Variants in SNX8 observed in about 807,000 individuals in gnomAD.
The protein encoded by SNX8 is sorting nexin 8, also known as sorting nexin-8.
A neutral mutation model predicts 51.6 loss-of-function variants in SNX8; 25 were observed. The ratio of observed to expected loss-of-function variants is 0.48; its 90% CI spans 0.35 to 0.68. SNX8 has a LOEUF of 0.68. Ranked by LOEUF, SNX8 falls within the 30% of genes least tolerant of loss-of-function variation. The probability of loss-of-function intolerance (pLI) is 0.00; values close to 1 mark genes in which losing one functional copy is unlikely to be tolerated. For missense variants in SNX8, 695 were observed against 624.0 expected, an observed-to-expected ratio of 1.11 and a Z score of -1.21; for synonymous variants, 324 against 277.0, an observed-to-expected ratio of 1.17 and a Z score of -1.68.
chr7:2,327,360 C>G (rs923873263), intron 1 of SNX8, among the ~76,000 whole-genome samples: 5 of 152,000 alleles, frequency 3.3e-5, no homozygotes, highest in African/African-American at 1.2e-4. Context: ...CTGCCTAAGC[C>G]TCCCAAGTAG....
chr7:2,311,809 C>A (rs945363734), intron 1 of SNX8, among the ~76,000 whole-genome samples: 11 of 151,764 alleles, frequency 7.2e-5, no homozygotes, highest in Admixed American at 7.2e-4. Context: ...TGGTGGCGGG[C>A]GCCTGTAGTC....
intron 4 of SNX8, among the ~76,000 whole-genome samples, chr7:2,270,314 C>CAAAAAAAAAAAAAAA (rs57983721): frequency 3.5e-5 from 2 of 57,086 alleles, no homozygotes; most frequent in African/African-American, 7.8e-5. Flanking sequence ...TCTCATTTTA[C>CAAAAAAAAAAAAAAA]AAAAAAAAAA....
chr7:2,264,502 G>C, intron 5 of SNX8, 44 bp from the exon 6 acceptor site: 5 of 1,576,734 alleles, frequency 3.2e-6, no homozygotes, highest in Non-Finnish European at 4.3e-6. Flanking sequence ...AGTCGCTGGG[G>C]AGCACCTGTC....
Position 2,290,117 on chromosome 7 carries a change from T to C in SNX8, c.95-11812A>G, listed in dbSNP as rs565596172. Among the ~76,000 whole-genome samples, 115 of 152,130 alleles carry C rather than the reference T, an allele frequency of 7.6e-4. 1 individual carries two copies. The highest frequency in any genetic ancestry group is 2.6e-3 in the African/African-American group (109 of 41,502). ...CTGAGGAAGGAAAATCGCTTGAACC[T>C]GGGAGGTGGAGGTTGCAGTGCGCGG... On this transcript the variant is annotated intron_variant, in intron 1 of 10. Coordinates refer to ENST00000222990, the MANE Select transcript of SNX8 (RefSeq NM_013321.4).
rs1323158365 is a variant in SNX8, at chr7:2,253,025, A to C, written c.*2031T>G. On this transcript the variant is annotated 3_prime_UTR_variant, in exon 11 of 11. Coordinates refer to ENST00000222990, the MANE Select transcript of SNX8 (RefSeq NM_013321.4). Reference sequence around the variant, plus strand: ...CTGACCCCTGCCCTCCTGCTCCCCCAACTCCTGCCCTCCTGCTCCCTCCTC... The same window carrying C: ...CTGACCCCTGCCCTCCTGCTCCCCCCACTCCTGCCCTCCTGCTCCCTCCTC... 2.6e-3 allele frequency: 91 copies of C among 34,352 alleles called. No homozygotes were observed. Among genetic ancestry groups the C allele is most frequent in the Admixed American group, 6.4e-3 (18 of 2,818 alleles). The allele number at this position is 34,352 out of a possible 1,614,324, so 2.1% of individuals were successfully genotyped here. A position where few individuals can be genotyped will look rare whatever the true frequency, so the allele number is the denominator to read the frequency against.
intron 1 of SNX8, among the ~76,000 whole-genome samples, chr7:2,283,060 G>A (rs1795944160): frequency 6.6e-6 from 1 of 151,942 alleles, no homozygotes; most frequent in Non-Finnish European, 1.5e-5. Flanking sequence ...GGCGGAGCTT[G>A]CAGTGAGCAG....
intron 1 of SNX8, among the ~76,000 whole-genome samples, chr7:2,303,408 G>A (rs1226918904): frequency 2.6e-5 from 4 of 152,000 alleles, no homozygotes; most frequent in Non-Finnish European, 4.4e-5. Context: ...CCCCTACTGG[G>A]AAGTGAGGAG....
chr7:2,342,725 G>A (rs1039884585), intron 1 of SNX8, among the ~76,000 whole-genome samples: 4 of 152,154 alleles, frequency 2.6e-5, no homozygotes, highest in Middle Eastern at 3.4e-3. Context: ...AGAGAAGACA[G>A]AGTAACTTTT....
At chr7:2,257,341 C>A in intron 9 of SNX8, 24 bp downstream of exon 9, 9 of 1,596,450 alleles carry the variant, frequency 5.6e-6, no homozygotes, top group Non-Finnish European at 7.6e-6. Context: ...TCCCACGGGC[C>A]TGCTCGGCCG....
At chr7:2,349,452 T>C (rs1188133597) in intron 1 of SNX8, among the ~76,000 whole-genome samples, 1 of 151,888 alleles carries the variant, frequency 6.6e-6, no homozygotes, top group Non-Finnish European at 1.5e-5. Flanking sequence ...TTAACTTTTT[T>C]TTTTTTGAGA....
intron 1 of SNX8, among the ~76,000 whole-genome samples, chr7:2,324,499 C>T (rs1778592984): frequency 6.6e-6 from 1 of 151,968 alleles, no homozygotes; most frequent in Non-Finnish European, 1.5e-5. Flanking sequence ...CCATGTTGCC[C>T]AGGGTGGTCT....
chr7:2,263,163 G>A (rs1795377085), intron 7 of SNX8, 67 bp downstream of exon 7: 13 of 1,556,866 alleles, frequency 8.4e-6, no homozygotes, highest in African/African-American at 6.8e-5. Context: ...CTAAGCAGGA[G>A]GCACTCCCCA....
chr7:2,283,364 G>A (rs1327217187), intron 1 of SNX8, among the ~76,000 whole-genome samples: 1 of 152,194 alleles, frequency 6.6e-6, no homozygotes, highest in African/African-American at 2.4e-5. Flanking sequence ...GACCCAGCGT[G>A]GGGCTACACT....
chr7:2,329,044 C>T lies in SNX8; in HGVS notation c.-66+25178G>A, dbSNP rs368342293. 2.1e-4 allele frequency among the ~76,000 whole-genome samples: 32 copies of T among 151,614 alleles called. No homozygotes were observed. In the East Asian group the frequency reaches 2.1e-3, roughly 10 times the overall value. ...GAGCTTGCAGTGAGCCGAGATCACG[C>T]CACTGCACTCCAGCCTGGGTGACAG... On this transcript the variant is annotated intron_variant, in intron 1 of 5. Coordinates refer to the SNX8 transcript ENST00000435336.
intron 5 of SNX8, among the ~76,000 whole-genome samples, chr7:2,267,556 C>T (rs1249685571): frequency 7.4e-6 from 1 of 134,462 alleles, no homozygotes; most frequent in Admixed American, 7.6e-5. Flanking sequence ...GCGAGTGATC[C>T]GCCAACCTCG....
At chr7:2,348,161 G>T (rs1287690982) in intron 1 of SNX8, among the ~76,000 whole-genome samples, 1 of 152,010 alleles carries the variant, frequency 6.6e-6, no homozygotes, top group Non-Finnish European at 1.5e-5. Flanking sequence ...GAAAAGGGCG[G>T]GCTAAGATCG....
chr7:2,300,788 G>A (rs900805856), intron 1 of SNX8, among the ~76,000 whole-genome samples: 2 of 151,986 alleles, frequency 1.3e-5, no homozygotes, highest in Admixed American at 6.6e-5. Flanking sequence ...GATTATAGGC[G>A]CATGCCACCA....
intron 2 of SNX8, among the ~76,000 whole-genome samples, chr7:2,275,541 A>G (rs1484624263): frequency 6.6e-6 from 1 of 152,122 alleles, no homozygotes; most frequent in Admixed American, 6.6e-5. Flanking sequence ...ATCTCTACTA[A>G]AAATACAAAA....
chr7:2,255,893 G>A (rs1200732233), intron 10 of SNX8, among the ~76,000 whole-genome samples: 2 of 152,232 alleles, frequency 1.3e-5, no homozygotes, highest in African/African-American at 2.4e-5. Context: ...GCCGTGCAGG[G>A]GCTCAGGTGG....
Sources: allele counts gnomAD v4.1 joint callset (sites outside exome capture counted in the v4.1 genomes callset), GRCh38; gene constraint gnomAD v4.1.1; transcripts MANE v1.5; gene names NCBI Gene and HGNC (gene_info 2026-07-23, HGNC 2026-07-21).